The following RORB variants were observed in gnomAD, a reference collection of about 807,000 sequenced individuals.
RORB encodes RAR related orphan receptor B.
A neutral mutation model predicts 59.1 loss-of-function variants in RORB; 6 were observed. That is an observed-to-expected ratio of 0.10 (90% CI 0.06 to 0.20). RORB has a LOEUF of 0.20. RORB is among the 10% of genes least tolerant of loss of function. The pLI, the probability that RORB is intolerant of heterozygous loss-of-function variation, is 1.00. For missense variants in RORB, 320 were observed against 560.5 expected (o/e 0.57, Z 4.33); for synonymous variants, 215 against 204.5 (o/e 1.05, Z -0.44).
chr9:74,516,309 A>T (rs1360961734), intron 1 of RORB, among the ~76,000 whole-genome samples: 1 of 152,040 alleles, frequency 6.6e-6, no homozygotes, highest in African/African-American at 2.4e-5. Flanking sequence ...CACACAAAAA[A>T]GTGAAGTATT....
At chr9:74,652,125 A>T (rs1360753170) in intron 4 of RORB, among the ~76,000 whole-genome samples, 1 of 152,182 alleles carries the variant, frequency 6.6e-6, no homozygotes, top group African/African-American at 2.4e-5. Flanking sequence ...TTTATTAGAA[A>T]ATGCTATCTT....
In RORB at chr9:74,692,329, A is replaced by C. The variant is rs58620047; in HGVS notation, c.*6711A>C. On this transcript the variant is annotated 3_prime_UTR_variant, in exon 10 of 10. Coordinates refer to ENST00000376896, the MANE Select transcript of RORB (RefSeq NM_006914.4). ...TTTATGATGATCGATTTATAATGAT[A>C]AAAAGATATTTAGATTTAAATGAGA... 3 of 152,372 alleles carry C rather than the reference A, an allele frequency of 2.0e-5. No individual in the cohort carries two copies. Among genetic ancestry groups the C allele is most frequent in the Non-Finnish European group, 2.9e-5 (2 of 68,040 alleles). 9.4% of individuals were successfully genotyped at this position (152,372 alleles called of 1,614,324 possible).
At chr9:74,523,544 A>C (rs961900791) in intron 1 of RORB, among the ~76,000 whole-genome samples, 1 of 151,956 alleles carries the variant, frequency 6.6e-6, no homozygotes, top group Admixed American at 6.6e-5. Context: ...TAAAAGTATG[A>C]TTGTCCCATA....
At chr9:74,647,659 T>C (rs908641169) in intron 4 of RORB, among the ~76,000 whole-genome samples, 1 of 152,214 alleles carries the variant, frequency 6.6e-6, no homozygotes, top group African/African-American at 2.4e-5. Context: ...TAAATAAATA[T>C]AAATCTCTTT....
At chr9:74,661,175 C>A (rs942996675) in intron 5 of RORB, among the ~76,000 whole-genome samples, 4 of 152,138 alleles carry the variant, frequency 2.6e-5, no homozygotes, top group African/African-American at 9.7e-5. Flanking sequence ...TTTTCTTGCC[C>A]TGCATGTTAA....
At chr9:74,650,630 A>G (rs929440525) in intron 4 of RORB, among the ~76,000 whole-genome samples, 4 of 152,208 alleles carry the variant, frequency 2.6e-5, no homozygotes, top group Admixed American at 2.6e-4. Context: ...TAATCTTAAT[A>G]CTGAGGAGAA....
intron 1 of RORB, among the ~76,000 whole-genome samples, chr9:74,564,551 G>A (rs1229451615): frequency 6.6e-6 from 1 of 152,116 alleles, no homozygotes; most frequent in Non-Finnish European, 1.5e-5. Flanking sequence ...ACTTGTTTTG[G>A]CTGCTGTATC....
chr9:74,650,324 T>C (rs1017809573), intron 4 of RORB, among the ~76,000 whole-genome samples: 1 of 152,186 alleles, frequency 6.6e-6, no homozygotes, highest in African/African-American at 2.4e-5. Context: ...CTGGGGTGAA[T>C]GTATTAGCCA....
intron 4 of RORB, among the ~76,000 whole-genome samples, chr9:74,643,615 T>C (rs1480132350): frequency 1.3e-5 from 2 of 152,190 alleles, no homozygotes; most frequent in Admixed American, 1.3e-4. Context: ...AATATTGAAG[T>C]AGGTTTAACA....
intron 4 of RORB, among the ~76,000 whole-genome samples, chr9:74,643,123 G>A (rs538021817): frequency 1.3e-5 from 2 of 152,208 alleles, no homozygotes; most frequent in Admixed American, 1.3e-4. Flanking sequence ...GTATAAACAG[G>A]GAAATTTCGG....
intron 6 of RORB, among the ~76,000 whole-genome samples, chr9:74,664,988 T>G (rs1234665970): frequency 1.3e-5 from 2 of 152,254 alleles, no homozygotes; most frequent in Non-Finnish European, 2.9e-5. Context: ...CAGAAACTTT[T>G]CTTGGTCCTG....
chr9:74,660,649 T>G lies in RORB; in HGVS notation c.670T>G (p.Leu224Val), dbSNP rs1289556249. 1 of 1,613,526 alleles carries G rather than the reference T, an allele frequency of 6.2e-7. No individual in the cohort carries two copies. The highest frequency in any genetic ancestry group is 1.3e-5 in the African/African-American group (1 of 74,876). The change falls in exon 5 of 10, where the codon TTG becomes GTG. Residue 224 changes from leucine to valine, a missense_variant. This residue lies in a region of RORB where 40 missense variants were observed against 116.9 expected (regional missense o/e 0.34). Coordinates refer to ENST00000376896, the MANE Select transcript of RORB (RefSeq NM_006914.4). ...TGCACAGAACATCATTAAGTCCCAT[T>G]TGGAGACATGTCAATACACCATGGA... is the stretch of plus-strand genomic sequence containing the variant. ...RIAQNIIKSH[L>V]ETCQYTMEEL... is the part of the protein sequence containing the mutation.
At chr9:74,505,647 AT>A (rs1825860504) in intron 1 of RORB, among the ~76,000 whole-genome samples, 1 of 152,096 alleles carries the variant, frequency 6.6e-6, no homozygotes, top group Non-Finnish European at 1.5e-5. Context: ...GATGTTTGAG[AT>A]GGGCCTCTAA....
At chr9:74,669,340 A>G (rs1465333218) in intron 8 of RORB, among the ~76,000 whole-genome samples, 1 of 152,076 alleles carries the variant, frequency 6.6e-6, no homozygotes, top group African/African-American at 2.4e-5. Context: ...CTAGCTGGAT[A>G]TGGTGGCAGA....
intron 1 of RORB, among the ~76,000 whole-genome samples, chr9:74,526,627 G>T (rs1171197330): frequency 1.3e-5 from 2 of 151,950 alleles, no homozygotes; most frequent in Non-Finnish European, 2.9e-5. Flanking sequence ...CCAGAAACTT[G>T]AGGAAGGTGT....
At chr9:74,520,082 C>T (rs1826063972) in intron 1 of RORB, among the ~76,000 whole-genome samples, 2 of 151,720 alleles carry the variant, frequency 1.3e-5, no homozygotes, top group Admixed American at 1.3e-4. Flanking sequence ...ATAAAGCCTG[C>T]CCTTAAGGAT....
intron 1 of RORB, among the ~76,000 whole-genome samples, chr9:74,588,444 A>T (rs1318535603): frequency 3.3e-5 from 5 of 152,230 alleles, no homozygotes; most frequent in Admixed American, 3.3e-4. Context: ...CCTTAAAAGA[A>T]GTCAATACCT....
chr9:74,574,412 C>T (rs1250271875), intron 1 of RORB, among the ~76,000 whole-genome samples: 2 of 152,136 alleles, frequency 1.3e-5, no homozygotes, highest in Non-Finnish European at 2.9e-5. Context: ...TTACCTTCTC[C>T]ATTTTACCTC....
intron 3 of RORB, among the ~76,000 whole-genome samples, chr9:74,638,493 G>A (rs569846520): frequency 1.3e-5 from 2 of 152,150 alleles, no homozygotes; most frequent in South Asian, 4.1e-4. Context: ...TTAAGAGGTA[G>A]CAGTTTAACA....
Sources: gnomAD v4.1 joint callset for allele counts (sites outside exome capture counted in the v4.1 genomes callset) on GRCh38, gnomAD v4.1.1 for gene constraint, gnomAD v4.1.1 regional missense constraint, MANE v1.5 for transcripts, NCBI Gene and HGNC (gene_info 2026-07-23, HGNC 2026-07-21) for gene names.